The following RNF157 variants were observed in gnomAD, a reference collection of about 807,000 sequenced individuals.
RNF157 encodes the protein E3 ubiquitin ligase RNF157.
In RNF157, 55 loss-of-function variants were observed where a neutral mutation model predicts 88.3. That is an observed-to-expected ratio of 0.62 (90% CI 0.50 to 0.78). RNF157 has a LOEUF of 0.78. RNF157 is among the 30% of genes least tolerant of loss of function. The pLI is 0.00. For missense variants in RNF157, 788 were observed against 860.8 expected, an observed-to-expected ratio of 0.92 and a Z score of 1.06; for synonymous variants, 334 against 341.2, an observed-to-expected ratio of 0.98 and a Z score of 0.23.
At chr17:76,226,466 G>C (rs1214074530) in intron 1 of RNF157, 1 of 1,606,956 alleles carries the variant, frequency 6.2e-7, no homozygotes, top group Non-Finnish European at 8.5e-7. Flanking sequence ...ATCCAACGTG[G>C]TCAAAAGGTC....
At chr17:76,184,424 G>C (rs573353490) in intron 2 of RNF157, among the ~76,000 whole-genome samples, 1 of 152,150 alleles carries the variant, frequency 6.6e-6, no homozygotes, top group East Asian at 1.9e-4. Context: ...CTTCTCCTGA[G>C]ATACATAACG....
chr17:76,148,996 G>C (rs1598381771), intron 18 of RNF157, among the ~76,000 whole-genome samples: 1 of 152,280 alleles, frequency 6.6e-6, no homozygotes, highest in African/African-American at 2.4e-5. Flanking sequence ...GCTTAGCGTG[G>C]TCTCGCAATT....
Position 76,155,618 on chromosome 17 carries a change from C to T in RNF157, c.1642G>A (p.Gly548Arg), listed in dbSNP as rs377719776. 15 of 1,613,824 alleles carry T rather than the reference C, an allele frequency of 9.3e-6. No individual in the cohort carries two copies. The African/African-American group carries it at 1.1e-4, about 11-fold the overall frequency. ...GGCTGGGGGGAAGAGAGAGCCTCTC[C>T]CTCCTCTTCAGTGCCAGGGGCGATG... The part of the protein sequence containing the change: ...SYIAPGTEEE[G>R]EALSSPQPAS... The change falls in exon 15 of 19, where the codon GGA becomes AGA. Residue 548 changes from glycine (G) to arginine (R), a missense_variant. Transcript: ENST00000269391.
intron 13 of RNF157, among the ~76,000 whole-genome samples, chr17:76,156,825 C>A (rs923418710): frequency 6.6e-6 from 1 of 152,210 alleles, no homozygotes; most frequent in Non-Finnish European, 1.5e-5. Flanking sequence ...ATCCCAGCCC[C>A]GACCTGTCAG....
chr17:76,204,841 G>C (rs1167222457), intron 2 of RNF157, among the ~76,000 whole-genome samples: 2 of 150,526 alleles, frequency 1.3e-5, no homozygotes, highest in Non-Finnish European at 2.9e-5. Flanking sequence ...CTGGAGTACA[G>C]TGGTGCGATC....
chr17:76,183,353 T>C (rs2144915951), intron 2 of RNF157, among the ~76,000 whole-genome samples: 1 of 152,300 alleles, frequency 6.6e-6, no homozygotes, highest in East Asian at 1.9e-4. Flanking sequence ...TCCAACCAAT[T>C]CTGATGCAGG....
At chr17:76,225,215 A>G (rs116744373) in intron 1 of RNF157, among the ~76,000 whole-genome samples, 4 of 144,994 alleles carry the variant, frequency 2.8e-5, no homozygotes, top group Non-Finnish European at 3.0e-5. Flanking sequence ...GTTAGGTGCA[A>G]TGGCTCACAA....
intron 1 of RNF157, among the ~76,000 whole-genome samples, chr17:76,219,454 TATTA>T (rs1455525190): frequency 6.6e-6 from 1 of 151,950 alleles, no homozygotes; most frequent in Non-Finnish European, 1.5e-5. Context: ...GATATATACA[TATTA>T]ATTAATATTT....
intron 1 of RNF157, among the ~76,000 whole-genome samples, chr17:76,227,893 A>C (rs1338930303): frequency 6.6e-6 from 1 of 152,068 alleles, no homozygotes; most frequent in Non-Finnish European, 1.5e-5. Context: ...AAATTTAAAA[A>C]AAGAGGTAGT....
intron 2 of RNF157, among the ~76,000 whole-genome samples, chr17:76,206,957 G>A (rs1386006541): frequency 1.3e-5 from 2 of 152,230 alleles, no homozygotes; most frequent in African/African-American, 4.8e-5. Context: ...CATGCTACAA[G>A]CAGGTAATCT....
At chr17:76,177,436 T>C (rs1489326190) in intron 2 of RNF157, among the ~76,000 whole-genome samples, 2 of 151,352 alleles carry the variant, frequency 1.3e-5, no homozygotes, top group Non-Finnish European at 2.9e-5. Flanking sequence ...AGGCTAGGAG[T>C]GCACATGCTC....
intron 18 of RNF157, among the ~76,000 whole-genome samples, chr17:76,149,929 G>A (rs767132432): frequency 6.6e-6 from 1 of 152,074 alleles, no homozygotes. Flanking sequence ...AGCTACTCAG[G>A]AGGCTGAGGC....
intron 2 of RNF157, among the ~76,000 whole-genome samples, chr17:76,203,286 C>T (rs2069618336): frequency 6.6e-6 from 1 of 152,124 alleles, no homozygotes; most frequent in South Asian, 2.1e-4. Flanking sequence ...CCATCAGGTC[C>T]CGCCATCATT....
At chr17:76,204,970 A>G (rs955959700) in intron 2 of RNF157, among the ~76,000 whole-genome samples, 15 of 151,496 alleles carry the variant, frequency 9.9e-5, no homozygotes, top group African/African-American at 3.6e-4. Context: ...TTTTTAGTAG[A>G]GGCAGGGTTT....
At chr17:76,154,915 A>G (rs1338120845) in intron 16 of RNF157, among the ~76,000 whole-genome samples, 3 of 152,198 alleles carry the variant, frequency 2.0e-5, no homozygotes, top group Non-Finnish European at 4.4e-5. Flanking sequence ...CCCTAGCACC[A>G]GTAGAGCACC....
chr17:76,205,262 C>G (rs889844174), intron 2 of RNF157, among the ~76,000 whole-genome samples: 7 of 151,782 alleles, frequency 4.6e-5, no homozygotes, highest in Non-Finnish European at 7.4e-5. Flanking sequence ...CCTCAACCAC[C>G]CAAGTAGCTA....
chr17:76,154,640 G>T (rs892084808), intron 16 of RNF157: 1 of 296,696 alleles, frequency 3.4e-6, no homozygotes, highest in Non-Finnish European at 6.3e-6. Context: ...ATTACTAAAT[G>T]AAAGAGCAAA....
intron 7 of RNF157, 34 bp from the exon 8 acceptor site, chr17:76,164,829 G>C: frequency 1.9e-6 from 3 of 1,551,690 alleles, no homozygotes; most frequent in Non-Finnish European, 2.7e-6. Context: ...TGACAAGGAA[G>C]GGAGGGTAAT....
intron 2 of RNF157, among the ~76,000 whole-genome samples, chr17:76,210,389 G>A (rs765928051): frequency 2.6e-5 from 4 of 151,274 alleles, no homozygotes; most frequent in Admixed American, 1.3e-4. Context: ...GTCAGATCGA[G>A]ACCATCCTGG....
Sources: gnomAD v4.1 joint callset for allele counts (sites outside exome capture counted in the v4.1 genomes callset) on GRCh38, gnomAD v4.1.1 for gene constraint, MANE v1.5 for transcripts, NCBI Gene and HGNC (gene_info 2026-07-23, HGNC 2026-07-21) for gene names.